Variants in DIP2C observed in about 807,000 individuals in gnomAD.
DIP2C encodes the protein DIP2 acetate--CoA ligase C (putative), also known as disco-interacting protein 2 homolog C.
A neutral mutation model predicts 192.4 loss-of-function variants in DIP2C; 33 were observed. The ratio of observed to expected loss-of-function variants is 0.17; its 90% confidence interval spans 0.13 to 0.23. DIP2C has a LOEUF of 0.23. Among genes scored for constraint, DIP2C ranks in the 10% least tolerant of loss-of-function variants. DIP2C has a pLI of 1.00. For synonymous variants in DIP2C, 979 were observed against 864.1 expected (o/e 1.13, Z -2.33); for missense variants, 1,537 against 2,110.1 (o/e 0.73, Z 5.32).
intron 32 of DIP2C, among the ~76,000 whole-genome samples, chr10:301,962 T>TTCA (rs1389086014): frequency 9.9e-6 from 1 of 100,958 alleles, no homozygotes; most frequent in East Asian, 3.4e-4. Context: ...CCCACTGGTT[T>TTCA]TCAAGTAGAC....
chr10:287,837 T>C (rs142964581), intron 33 of DIP2C, among the ~76,000 whole-genome samples: 150 of 152,344 alleles, frequency 9.8e-4, no homozygotes, highest in African/African-American at 3.2e-3. Context: ...TTCATAGTAA[T>C]AGATACCCTG....
intron 1 of DIP2C, among the ~76,000 whole-genome samples, chr10:510,109 TCCTGGGGGAC>T (rs1845908829): frequency 6.6e-6 from 1 of 152,226 alleles, no homozygotes; most frequent in South Asian, 2.1e-4. Context: ...GCAATCGCCT[TCCTGGGGGAC>T]CCGTACAACA....
intron 1 of DIP2C, among the ~76,000 whole-genome samples, chr10:515,778 C>G (rs1846312631): frequency 6.6e-6 from 1 of 151,952 alleles, no homozygotes; most frequent in Non-Finnish European, 1.5e-5. Context: ...GAGCACCGCC[C>G]CCACCCAACC....
intron 28 of DIP2C, among the ~76,000 whole-genome samples, chr10:343,581 T>C (rs1424931276): frequency 6.6e-6 from 1 of 152,248 alleles, no homozygotes; most frequent in Non-Finnish European, 1.5e-5. Flanking sequence ...AATAATTCTT[T>C]TTAGCTTGCT....
intron 1 of DIP2C, among the ~76,000 whole-genome samples, chr10:611,192 T>C (rs1258483873): frequency 2.8e-5 from 2 of 72,152 alleles, no homozygotes; most frequent in Non-Finnish European, 1.0e-4. Flanking sequence ...GCATGGCACC[T>C]TCCCCTTCAC....
chr10:601,486 AATTTC>A (rs1852070004), intron 1 of DIP2C, among the ~76,000 whole-genome samples: 1 of 152,184 alleles, frequency 6.6e-6, no homozygotes, highest in Non-Finnish European at 1.5e-5. Flanking sequence ...TGGCTCACTC[AATTTC>A]AATTCTACCT....
At chr10:519,374 G>A (rs1846556007) in intron 1 of DIP2C, among the ~76,000 whole-genome samples, 1 of 152,362 alleles carries the variant, frequency 6.6e-6, no homozygotes, top group East Asian at 1.9e-4. Context: ...CCCAAAGCCT[G>A]CACTGCTGAG....
chr10:475,397 G>A (rs868704416), intron 2 of DIP2C, among the ~76,000 whole-genome samples: 105 of 152,298 alleles, frequency 6.9e-4, no homozygotes, highest in African/African-American at 2.3e-3. Flanking sequence ...AGCGTATCCA[G>A]TGGCCTGACG....
At chr10:293,210 G>T (rs992174926) in intron 32 of DIP2C, among the ~76,000 whole-genome samples, 1 of 152,190 alleles carries the variant, frequency 6.6e-6, no homozygotes, top group Non-Finnish European at 1.5e-5. Context: ...GACCTGAAGG[G>T]TCCAGCATCC....
At chr10:613,043 A>AC (rs1265190706) in intron 1 of DIP2C, among the ~76,000 whole-genome samples, 1 of 152,200 alleles carries the variant, frequency 6.6e-6, no homozygotes, top group Non-Finnish European at 1.5e-5. Context: ...AGCATCCCAC[A>AC]CCCAGGAAGA....
At chr10:614,847 G>A (rs932909372) in intron 1 of DIP2C, among the ~76,000 whole-genome samples, 6 of 152,214 alleles carry the variant, frequency 3.9e-5, no homozygotes, top group East Asian at 1.9e-4. Flanking sequence ...GATCCAACAC[G>A]TCATCATAAG....
chr10:387,227 C>T (rs969715447), intron 14 of DIP2C, among the ~76,000 whole-genome samples: 13 of 152,190 alleles, frequency 8.5e-5, no homozygotes, highest in Admixed American at 2.0e-4. Context: ...AGGCTGTTTT[C>T]GGCAGCTGTA....
chr10:325,839 A>G (rs1957246967), intron 31 of DIP2C, among the ~76,000 whole-genome samples: 1 of 152,188 alleles, frequency 6.6e-6, no homozygotes, highest in South Asian at 2.1e-4. Flanking sequence ...AGCTATTATA[A>G]TAATTAAAAG....
rs76119054 is a variant in DIP2C at position 527,563 on chromosome 10, G to C, written c.86-41033C>G. Among the ~76,000 whole-genome samples, 40 of 152,302 alleles carry C rather than the reference G, an allele frequency of 2.6e-4. 1 individual carries two copies. The South Asian group carries it at 7.7e-3, about 29-fold the overall frequency. ...AAAGTAACTTCCACCAAATGGAACCGATTACAAATGTACTACAGAGTGTCA... is the reference window on the plus strand; with the variant it reads ...AAAGTAACTTCCACCAAATGGAACCCATTACAAATGTACTACAGAGTGTCA... On this transcript the variant is annotated intron_variant, in intron 1 of 36. Coordinates refer to ENST00000280886, the MANE Select transcript of DIP2C (RefSeq NM_014974.3).
intron 3 of DIP2C, among the ~76,000 whole-genome samples, chr10:449,542 C>G (rs1968656882): frequency 6.7e-6 from 1 of 150,250 alleles, no homozygotes; most frequent in East Asian, 2.0e-4. Flanking sequence ...GTGGCTTACT[C>G]CAGGCTAAGG....
chr10:638,989 G>A (rs1408153210), intron 1 of DIP2C, among the ~76,000 whole-genome samples: 2 of 152,216 alleles, frequency 1.3e-5, no homozygotes, highest in African/African-American at 2.4e-5. Context: ...TCAGAAGGAC[G>A]AGACACGGAG....
Position 362,711 on chromosome 10 carries a change from G to A in DIP2C, c.2593-20C>T, listed in dbSNP as rs1044657841. On this transcript the variant is annotated intron_variant, in intron 21 of 36. Coordinates refer to ENST00000280886, the MANE Select transcript of DIP2C (RefSeq NM_014974.3). ...AATCGCCTAGAAAGTTAATAAAGAG[G>A]AAATCATGTTATAAGAGGAAGTATA... The A allele has an allele frequency of 1.9e-6, 3 of 1,588,462 alleles. No individual in the cohort carries two copies. The highest frequency in any genetic ancestry group is 2.7e-5 in the African/African-American group (2 of 73,986).
chr10:670,373 CACACATGCAT>C (rs892280112), intron 1 of DIP2C, among the ~76,000 whole-genome samples: 4 of 152,130 alleles, frequency 2.6e-5, no homozygotes, highest in African/African-American at 7.2e-5. Context: ...CACACATGCA[CACACATGCAT>C]GTGTACACGC....
intron 1 of DIP2C, among the ~76,000 whole-genome samples, chr10:579,387 C>T (rs1355912955): frequency 1.3e-5 from 2 of 151,654 alleles, no homozygotes; most frequent in African/African-American, 2.4e-5. Context: ...TATGTGTGTA[C>T]AGTGTACACA....
Sources: allele counts gnomAD v4.1 joint callset (sites outside exome capture counted in the v4.1 genomes callset), GRCh38; gene constraint gnomAD v4.1.1; transcripts MANE v1.5; gene names NCBI Gene and HGNC (gene_info 2026-07-23, HGNC 2026-07-21).